BBS9: variants seen among roughly 807,000 people sequenced by gnomAD.
BBS9 encodes the protein protein PTHB1.
In BBS9, 89 loss-of-function variants were observed where a neutral mutation model predicts 117.7. That is an observed-to-expected ratio of 0.76 (90% CI 0.64 to 0.90). The LOEUF (loss-of-function observed/expected upper bound fraction) is 0.90, where lower values mean the gene tolerates loss of function less well. BBS9 is among the 40% of genes least tolerant of loss of function. The pLI is 0.00. For missense variants in BBS9, 982 were observed against 1,042.2 expected, an observed-to-expected ratio of 0.94 and a Z score of 0.80; for synonymous variants, 379 against 370.9, an observed-to-expected ratio of 1.02 and a Z score of -0.25.
At chr7:33,457,177 C>T (rs1035329042) in intron 19 of BBS9, among the ~76,000 whole-genome samples, 1 of 152,176 alleles carries the variant, frequency 6.6e-6, no homozygotes. Context: ...CGAGGGTCAT[C>T]TTTCTGGAAG....
intron 20 of BBS9, among the ~76,000 whole-genome samples, chr7:33,517,586 T>G (rs1847984629): frequency 2.0e-5 from 3 of 152,260 alleles, no homozygotes; most frequent in African/African-American, 7.2e-5. Context: ...TTGCTTTTTC[T>G]CCACTTTTCA....
At chr7:33,437,303 T>A (rs935989088) in intron 19 of BBS9, among the ~76,000 whole-genome samples, 1 of 152,180 alleles carries the variant, frequency 6.6e-6, no homozygotes, top group Non-Finnish European at 1.5e-5. Context: ...GCAGCTGACC[T>A]CTCTGCTCCC....
intron 5 of BBS9, among the ~76,000 whole-genome samples, chr7:33,191,105 G>C (rs915018408): frequency 1.1e-4 from 16 of 152,124 alleles, no homozygotes; most frequent in South Asian, 2.1e-4. Context: ...TGGGGAGAGA[G>C]GACCTAGAGT....
At chr7:33,376,659 A>G (rs1041695444) in intron 17 of BBS9, among the ~76,000 whole-genome samples, 1 of 152,196 alleles carries the variant, frequency 6.6e-6, no homozygotes, top group Non-Finnish European at 1.5e-5. Context: ...CACCCCCACC[A>G]GCAGTGTATA....
At chr7:33,228,560 G>C (rs1791729999) in intron 5 of BBS9, among the ~76,000 whole-genome samples, 1 of 151,978 alleles carries the variant, frequency 6.6e-6, no homozygotes, top group Non-Finnish European at 1.5e-5. Flanking sequence ...TATAACTTTT[G>C]ACTCCCCCGA....
chr7:33,456,687 T>C (rs1397769500), intron 19 of BBS9, among the ~76,000 whole-genome samples: 1 of 152,130 alleles, frequency 6.6e-6, no homozygotes, highest in Non-Finnish European at 1.5e-5. Flanking sequence ...AATGGAAAGT[T>C]CAGGCTTGCT....
chr7:33,344,409 A>T (rs1817218703), intron 11 of BBS9, among the ~76,000 whole-genome samples, 172 bp from the exon 12 acceptor site: 1 of 152,136 alleles, frequency 6.6e-6, no homozygotes, highest in Admixed American at 6.5e-5. Context: ...GACTTTCTGG[A>T]CGAAGGCATC....
rs28564487 is a variant in BBS9, at chr7:33,384,000, C to T, written c.1962+162C>T. ...GTGAATCCATTCCTGCCCACTTGCC[C>T]AGTTTGTGATCAATTACAGACATTT... On this transcript the variant is annotated intron_variant, in intron 18 of 22. Coordinates refer to ENST00000242067, the MANE Select transcript of BBS9 (RefSeq NM_198428.3). Among the ~76,000 whole-genome samples the T allele has an allele frequency of 8.5e-3, 1,287 of 152,252 alleles. 21 individuals carry two copies. The highest frequency in any genetic ancestry group is 0.045 in the South Asian group (219 of 4,826).
At chr7:33,367,611 C>G (rs894172427) in intron 16 of BBS9, among the ~76,000 whole-genome samples, 156 bp from the exon 17 acceptor site, 18 of 152,172 alleles carry the variant, frequency 1.2e-4, no homozygotes, top group Admixed American at 9.2e-4. Flanking sequence ...TTGGAAGCTA[C>G]TATGGAAATC....
In BBS9 at chr7:33,273,090, T is replaced by C. The variant is rs183674003; in HGVS notation, c.781T>C (p.Phe261Leu). The change falls in exon 8 of 23, where the codon TTT becomes CTT. Residue 261 changes from phenylalanine to leucine, a missense_variant. By Grantham distance (22) the Phe-to-Leu change is conservative. Coordinates refer to ENST00000242067, the MANE Select transcript of BBS9 (RefSeq NM_198428.3). Reference protein sequence around the residue: ...VSFNQSASSVFVLGERNFFCL... With the variant: ...VSFNQSASSVLVLGERNFFCL... The stretch of plus-strand genomic sequence containing the variant: ...TTTCAATCAGTCGGCATCCTCTGTT[T>C]TTGTTCTTGGTGAGAGAAACTTTTT... 1.2e-6 allele frequency: 2 copies of C among 1,613,808 alleles called. No homozygotes were observed. The highest frequency in any genetic ancestry group is 2.7e-5 in the African/African-American group (2 of 75,030).
At chr7:33,224,980 A>C (rs1270834607) in intron 5 of BBS9, among the ~76,000 whole-genome samples, 1 of 152,202 alleles carries the variant, frequency 6.6e-6, no homozygotes, top group Non-Finnish European at 1.5e-5. Flanking sequence ...ATTTAAAGGA[A>C]GAAATCTCCC....
At chr7:33,531,090 C>T (rs1240889059) in intron 20 of BBS9, among the ~76,000 whole-genome samples, 1 of 152,096 alleles carries the variant, frequency 6.6e-6, no homozygotes, top group Non-Finnish European at 1.5e-5. Flanking sequence ...ACTAAAAATA[C>T]AAAAATTAGC....
chr7:33,383,864 T>A, intron 18 of BBS9, 26 bp downstream of exon 18: 10 of 1,599,014 alleles, frequency 6.3e-6, no homozygotes, highest in Non-Finnish European at 8.6e-6. Context: ...ACCCACATCA[T>A]CTATAATCCT....
chr7:33,597,717 G>A (rs1443029909), intron 21 of BBS9, among the ~76,000 whole-genome samples: 1 of 152,012 alleles, frequency 6.6e-6, no homozygotes, highest in Non-Finnish European at 1.5e-5. Context: ...TGGTGCGATA[G>A]GAAGGAGGGG....
At chr7:33,252,341 TAACAGGCC>T (rs561752222) in intron 5 of BBS9, among the ~76,000 whole-genome samples, 142 of 152,288 alleles carry the variant, frequency 9.3e-4, no homozygotes, top group African/African-American at 3.2e-3. Flanking sequence ...TATCATATGC[TAACAGGCC>T]AGGTTTTCTC....
chr7:33,132,071 A>G (rs1344280966), intron 1 of BBS9, among the ~76,000 whole-genome samples: 1 of 152,216 alleles, frequency 6.6e-6, no homozygotes, highest in Non-Finnish European at 1.5e-5. Flanking sequence ...CCTTCAAATT[A>G]TTGTCTTCTA....
chr7:33,340,717 A>G (rs886512633), intron 10 of BBS9, among the ~76,000 whole-genome samples, 180 bp from the exon 11 acceptor site: 6 of 152,122 alleles, frequency 3.9e-5, no homozygotes, highest in African/African-American at 7.2e-5. Flanking sequence ...ATTTTTTACC[A>G]TATTATAGAG....
chr7:33,534,398 C>A, intron 21 of BBS9: 1 of 588,028 alleles, frequency 1.7e-6, no homozygotes. Flanking sequence ...CTTTTTTCTT[C>A]TCTCTGCTTT....
intron 19 of BBS9, among the ~76,000 whole-genome samples, chr7:33,493,802 G>A (rs776330799): frequency 7.2e-5 from 11 of 152,162 alleles, no homozygotes; most frequent in Non-Finnish European, 1.6e-4. Flanking sequence ...TGAGTGTCTT[G>A]CTGGAATTCG....
Sources: gnomAD v4.1 joint callset for allele counts (sites outside exome capture counted in the v4.1 genomes callset) on GRCh38, gnomAD v4.1.1 for gene constraint, MANE v1.5 for transcripts, NCBI Gene and HGNC (gene_info 2026-07-23, HGNC 2026-07-21) for gene names.